The following FLRT1 variants were observed in gnomAD, a reference collection of about 807,000 sequenced individuals.
FLRT1 encodes fibronectin leucine rich transmembrane protein 1.
A neutral mutation model predicts 30.9 loss-of-function variants in FLRT1; 14 were observed. That is an observed-to-expected ratio of 0.45 (90% CI 0.30 to 0.71). FLRT1 has a LOEUF of 0.71. FLRT1 is among the 30% of genes least tolerant of loss of function. The pLI is 0.08. For missense variants in FLRT1, 737 were observed against 949.2 expected, an observed-to-expected ratio of 0.78 and a Z score of 2.94; for synonymous variants, 368 against 430.4, an observed-to-expected ratio of 0.85 and a Z score of 1.80.
At chr11:64,057,264 G>T (rs1483855785) in intron 1 of FLRT1, among the ~76,000 whole-genome samples, 1 of 152,244 alleles carries the variant, frequency 6.6e-6, no homozygotes, top group Non-Finnish European at 1.5e-5. Flanking sequence ...GCCCATTGGT[G>T]GTTCCTCCCT....
chr11:64,051,297 G>A (rs998052595), intron 1 of FLRT1, among the ~76,000 whole-genome samples: 1 of 152,218 alleles, frequency 6.6e-6, no homozygotes, highest in Non-Finnish European at 1.5e-5. Context: ...TTTTGAAGTA[G>A]CTCTGGGCAG....
At chr11:64,071,227 C>T (rs1182194577) in intron 1 of FLRT1, among the ~76,000 whole-genome samples, 3 of 152,124 alleles carry the variant, frequency 2.0e-5, no homozygotes, top group African/African-American at 4.8e-5. Context: ...CTCCCTAAGA[C>T]CCTGTCAGGT....
At chr11:64,099,593 C>T (rs376425575) in intron 1 of FLRT1, among the ~76,000 whole-genome samples, 26 of 148,750 alleles carry the variant, frequency 1.7e-4, no homozygotes, top group Non-Finnish European at 2.7e-4. Context: ...GATGGAGAGA[C>T]GGATGGAAGG....
At chr11:64,048,097 C>T (rs373842475) in intron 1 of FLRT1, among the ~76,000 whole-genome samples, 213 of 152,254 alleles carry the variant, frequency 1.4e-3, no homozygotes, top group African/African-American at 4.5e-3. Context: ...CTGCCCTGGC[C>T]GGCGGGAGGC....
rs1284278264 is a variant in FLRT1, at chr11:64,064,509, A to G, written c.-1038+28350A>G. 2.6e-5 allele frequency among the ~76,000 whole-genome samples: 4 copies of G among 152,074 alleles called. No homozygotes were observed. Among genetic ancestry groups the G allele is most frequent in the African/African-American group, 9.7e-5 (4 of 41,430 alleles). Reference sequence around the variant, plus strand: ...GCCTGCCCCGGATGGGCACGCAGGCAGGGTGCATATGTACGTATGTGCCTG... The same window carrying G: ...GCCTGCCCCGGATGGGCACGCAGGCGGGGTGCATATGTACGTATGTGCCTG... On this transcript the variant is annotated intron_variant, in intron 1 of 2. Coordinates refer to ENST00000682287, the MANE Select transcript of FLRT1 (RefSeq NM_013280.5). This position sits in a 1 kb window ranked among gnomAD's most constrained non-coding sequence, Gnocchi z 4.5.
At chr11:64,069,600 G>A (rs974206125) in intron 1 of FLRT1, among the ~76,000 whole-genome samples, 1 of 152,174 alleles carries the variant, frequency 6.6e-6, no homozygotes, top group South Asian at 2.1e-4. Flanking sequence ...TGTGGAGGGG[G>A]CCAGGGCTGC....
intron 1 of FLRT1, among the ~76,000 whole-genome samples, chr11:64,086,399 A>T (rs1452770185): frequency 6.6e-6 from 1 of 151,726 alleles, no homozygotes; most frequent in Non-Finnish European, 1.5e-5. Context: ...AGCTCAGAGG[A>T]TGGAACATTC....
intron 1 of FLRT1, among the ~76,000 whole-genome samples, chr11:64,098,395 T>C (rs572382544): frequency 6.6e-6 from 1 of 152,278 alleles, no homozygotes; most frequent in South Asian, 2.1e-4. Flanking sequence ...CAGCCTGAAA[T>C]GTTCTTCCCG....
intron 1 of FLRT1, among the ~76,000 whole-genome samples, chr11:64,100,612 T>A (rs1944654853): frequency 6.6e-6 from 1 of 152,216 alleles, no homozygotes; most frequent in Non-Finnish European, 1.5e-5. Context: ...ATATTTATTC[T>A]TGGGCCTCCT....
At chr11:64,087,970 G>C (rs1224030753) in intron 1 of FLRT1, among the ~76,000 whole-genome samples, 1 of 152,174 alleles carries the variant, frequency 6.6e-6, no homozygotes, top group Non-Finnish European at 1.5e-5. Flanking sequence ...GCTGTTCGAG[G>C]GGCCAGAGCT....
At chr11:64,074,062 G>A (rs1168448164) in intron 1 of FLRT1, among the ~76,000 whole-genome samples, 3 of 152,216 alleles carry the variant, frequency 2.0e-5, no homozygotes, top group African/African-American at 7.2e-5. Context: ...GCCAGCTGGG[G>A]ATGGGGGTGG....
At chr11:64,053,778 G>A (rs951579466) in intron 1 of FLRT1, among the ~76,000 whole-genome samples, 7 of 152,188 alleles carry the variant, frequency 4.6e-5, no homozygotes, top group African/African-American at 1.7e-4. Flanking sequence ...GCCCAGTGGG[G>A]TTGAGCCCTA....
chr11:64,058,138 G>A (rs182990302), intron 1 of FLRT1, among the ~76,000 whole-genome samples: 2 of 152,358 alleles, frequency 1.3e-5, no homozygotes, highest in East Asian at 1.9e-4. Flanking sequence ...AGCCCCCAGC[G>A]ACTGTGTTTC....
intron 1 of FLRT1, among the ~76,000 whole-genome samples, chr11:64,042,193 C>T (rs1161960668): frequency 1.3e-5 from 2 of 152,182 alleles, no homozygotes; most frequent in Admixed American, 1.3e-4. Context: ...CTCTTGCACA[C>T]ACATGCTCAC....
chr11:64,060,269 CGGG>C (rs1188813786), intron 1 of FLRT1, among the ~76,000 whole-genome samples: 1 of 152,212 alleles, frequency 6.6e-6, no homozygotes, highest in East Asian at 1.9e-4. Flanking sequence ...CCCAGAGCTC[CGGG>C]AGCGGCGGGA....
chr11:64,103,832 T>G lies in FLRT1; in HGVS notation c.-399T>G, dbSNP rs1944712590. 1 of 152,140 alleles carries G rather than the reference T, an allele frequency of 6.6e-6. No homozygotes were observed. The highest frequency in any genetic ancestry group is 2.4e-5 in the African/African-American group (1 of 41,412). 9.4% of individuals were successfully genotyped at this position (152,140 alleles called of 1,614,324 possible). Reference sequence around the variant, plus strand: ...TCCAGAGGGGTGTCCCTGTACCCCTTGCACACAGGACCCTCACTCTGCAGG... The same window carrying G: ...TCCAGAGGGGTGTCCCTGTACCCCTGGCACACAGGACCCTCACTCTGCAGG... On this transcript the variant is annotated 5_prime_UTR_variant, in exon 2 of 3. Transcript: ENST00000682287.
At chr11:64,108,964 G>A (rs1944812184) in intron 2 of FLRT1, among the ~76,000 whole-genome samples, 2 of 152,202 alleles carry the variant, frequency 1.3e-5, no homozygotes, top group Admixed American at 6.5e-5. Flanking sequence ...GAAGGAGGCT[G>A]AGGGGCAAGT....
chr11:64,052,593 C>A (rs1438772217), intron 1 of FLRT1, among the ~76,000 whole-genome samples: 1 of 152,244 alleles, frequency 6.6e-6, no homozygotes, highest in African/African-American at 2.4e-5. Context: ...GCAGACATGG[C>A]TAATCAATCC....
chr11:64,077,998 G>T (rs1007123021), intron 1 of FLRT1, among the ~76,000 whole-genome samples: 1 of 152,192 alleles, frequency 6.6e-6, no homozygotes, highest in African/African-American at 2.4e-5. Context: ...CTCAGCGGGG[G>T]TCCCAGACGC....
Sources: gnomAD v4.1 joint callset for allele counts (sites outside exome capture counted in the v4.1 genomes callset) on GRCh38, gnomAD v4.1.1 for gene constraint, Gnocchi (gnomAD v3.1) non-coding constraint, MANE v1.5 for transcripts, NCBI Gene and HGNC (gene_info 2026-07-23, HGNC 2026-07-21) for gene names.